IPP: variants seen among roughly 807,000 people sequenced by gnomAD.
The protein encoded by IPP is actin-binding protein IPP.
Under a neutral mutation model 64.1 loss-of-function variants are expected in IPP, and 41 were observed. That is an observed-to-expected ratio of 0.64 (90% CI 0.50 to 0.83). The LOEUF is 0.83. Ranked by LOEUF, IPP falls within the 40% of genes least tolerant of loss-of-function variation. The pLI, the probability that IPP is intolerant of heterozygous loss-of-function variation, is 0.00. For missense variants in IPP, 649 were observed against 703.0 expected (o/e 0.92, Z 0.87); for synonymous variants, 214 against 235.2 (o/e 0.91, Z 0.83).
chr1:45,725,966 T>G (rs1463111039), intron 5 of IPP, among the ~76,000 whole-genome samples: 1 of 138,556 alleles, frequency 7.2e-6, no homozygotes, highest in East Asian at 2.1e-4. Context: ...GGCCGCAGGG[T>G]CCTCTGCCTA....
chr1:45,696,590 G>A (rs1385431982), downstream of IPP, among the ~76,000 whole-genome samples: 2 of 152,180 alleles, frequency 1.3e-5, no homozygotes, highest in African/African-American at 2.4e-5. Flanking sequence ...AGTCAAGCGT[G>A]ACCAAGATGG....
chr1:45,744,971 G>C (rs1267899945), intron 2 of IPP, among the ~76,000 whole-genome samples: 2 of 152,146 alleles, frequency 1.3e-5, no homozygotes, highest in East Asian at 3.8e-4. Flanking sequence ...TGAGATGGTA[G>C]CACTACTTGA....
intron 1 of IPP, among the ~76,000 whole-genome samples, chr1:45,747,434 A>G (rs1646153872): frequency 6.6e-6 from 1 of 152,202 alleles, no homozygotes; most frequent in Non-Finnish European, 1.5e-5. Flanking sequence ...CAGTCTCAGT[A>G]TCTGAATCCA....
rs1185064054 is a variant in IPP at position 45,714,450 on chromosome 1, A to G, written c.1326T>C (p.Ile442=). The G allele has an allele frequency of 6.2e-7, 1 of 1,608,952 alleles. No individual in the cohort carries two copies. The highest frequency in any genetic ancestry group is 2.2e-5 in the East Asian group (1 of 44,848). Residue 442 remains isoleucine, a synonymous_variant, in exon 8 of 9, where the codon ATT becomes ATC. Coordinates refer to ENST00000396478, the MANE Select transcript of IPP (RefSeq NM_005897.3). ...CCEMQGLIYV[I]GGISNEGIEL... is the part of the protein sequence containing the mutation. ...CTATTCCTTCATTGCTGATGCCCCC[A>G]ATTACATAAATTAAACCTGGAAGTG...
At chr1:45,695,830 C>T (rs981363754), downstream of IPP, among the ~76,000 whole-genome samples, 8 of 152,152 alleles carry the variant, frequency 5.3e-5, no homozygotes, top group Non-Finnish European at 1.2e-4. Context: ...CCACCATGCC[C>T]AGCTAATTTT....
At chr1:45,728,580 T>A (rs1645864481) in intron 4 of IPP, among the ~76,000 whole-genome samples, 1 of 152,062 alleles carries the variant, frequency 6.6e-6, no homozygotes, top group East Asian at 1.9e-4. Flanking sequence ...CTGCAACCTC[T>A]GCCTCCTGGG....
At chr1:45,740,317 C>T (rs1415788117) in intron 3 of IPP, among the ~76,000 whole-genome samples, 4 of 152,190 alleles carry the variant, frequency 2.6e-5, no homozygotes, top group South Asian at 4.1e-4. Context: ...CATCATGGCC[C>T]GTTCTCAATG....
intron 8 of IPP, among the ~76,000 whole-genome samples, chr1:45,708,354 G>A (rs1432448743): frequency 1.1e-4 from 16 of 145,432 alleles, no homozygotes; most frequent in African/African-American, 3.0e-4. Flanking sequence ...GTGAGCCACC[G>A]CGCCCAGCCC....
rs1449624090 is a variant in IPP, at chr1:45,725,485, C to G, written c.1048+2146G>C. ...GAGGTGGGGGTGTCAGCCCCCCGCC[C>G]GGCCAGCCGCCCCATCCGGGAGGTG... On this transcript the variant is annotated intron_variant, in intron 5 of 8. Coordinates refer to ENST00000396478, the MANE Select transcript of IPP (RefSeq NM_005897.3). Among the ~76,000 whole-genome samples, 11 of 138,074 alleles carry G rather than the reference C, an allele frequency of 8.0e-5. 1 individual carries two copies. The highest frequency in any genetic ancestry group is 2.4e-4 in the African/African-American group (9 of 37,482). 90.6% of individuals were successfully genotyped at this position (138,074 alleles called of 152,430 possible). A position where few individuals can be genotyped will look rare whatever the true frequency, so the allele number is the denominator to read the frequency against.
intron 8 of IPP, 24 bp from the exon 9 acceptor site, chr1:45,700,214 T>C (rs1645434500): frequency 6.4e-7 from 1 of 1,552,308 alleles, no homozygotes. Context: ...AAAAAAAAAA[T>C]ATGTTAGCAG....
At chr1:45,713,000 A>T (rs1055110104) in intron 8 of IPP, among the ~76,000 whole-genome samples, 1 of 152,018 alleles carries the variant, frequency 6.6e-6, no homozygotes, top group South Asian at 2.1e-4. Context: ...AAAAGGCAAC[A>T]TATCAAAATA....
chr1:45,715,772 C>T (rs1465924003), intron 7 of IPP, among the ~76,000 whole-genome samples: 1 of 152,080 alleles, frequency 6.6e-6, no homozygotes, highest in Non-Finnish European at 1.5e-5. Flanking sequence ...TCATCTATAA[C>T]TTAAAGAAGT....
At chr1:45,727,856 A>C in intron 4 of IPP, 58 bp from the exon 5 acceptor site, 4 of 1,207,798 alleles carry the variant, frequency 3.3e-6, no homozygotes, top group Non-Finnish European at 4.6e-6. Flanking sequence ...CTAAACATTT[A>C]GTATAACTAC....
rs1461161427 is a variant in IPP at position 45,699,204 on chromosome 1, C to A, written c.*762G>T. 21 of 985,040 alleles carry A rather than the reference C, an allele frequency of 2.1e-5. No homozygotes were observed. Among genetic ancestry groups the A allele is most frequent in the Non-Finnish European group, 2.5e-5 (21 of 829,656 alleles). The allele number at this position is 985,040 out of a possible 1,614,324, so 61.0% of individuals were successfully genotyped here. On this transcript the variant is annotated 3_prime_UTR_variant, in exon 9 of 9. Coordinates refer to ENST00000396478, the MANE Select transcript of IPP (RefSeq NM_005897.3). ...AAAAGGTATCTATCTATTAAAATAG[C>A]TAGATATTTCCCAAACACCCCTCCT...
rs889095472 is a variant in IPP at position 45,746,181 on chromosome 1, A to C, written c.231T>G (p.Val77=). 5 of 1,614,046 alleles carry C rather than the reference A, an allele frequency of 3.1e-6. No individual in the cohort carries two copies. Among genetic ancestry groups the C allele is most frequent in the Non-Finnish European group, 4.2e-6 (5 of 1,179,986 alleles). ...TGGMKESSKD[V]VPILGIEAGI... is the part of the protein sequence containing the mutation. ...CTGCTTCAATTCCTAGAATCGGTAC[A>C]ACATCTTTTGAGGACTCTTTCATTC... is the stretch of plus-strand genomic sequence containing the variant. The change falls in exon 2 of 9, where the codon GTT becomes GTG. Residue 77 remains valine, a synonymous_variant. Coordinates refer to ENST00000396478, the MANE Select transcript of IPP (RefSeq NM_005897.3).
chr1:45,714,175 T>A, intron 8 of IPP, 71 bp downstream of exon 8: 1 of 1,078,556 alleles, frequency 9.3e-7, no homozygotes, highest in Non-Finnish European at 1.4e-6. Flanking sequence ...TGAAAAAGAG[T>A]GCATCACCAC....
intron 5 of IPP, among the ~76,000 whole-genome samples, chr1:45,727,113 G>A (rs1328696468): frequency 1.3e-5 from 2 of 152,026 alleles, no homozygotes; most frequent in East Asian, 1.9e-4. Context: ...ACAGTGGCAC[G>A]ATCATGGCTC....
intron 1 of IPP, 58 bp from the exon 2 acceptor site, chr1:45,746,519 T>G (rs781439694): frequency 8.5e-5 from 62 of 726,288 alleles, no homozygotes; most frequent in Non-Finnish European, 1.2e-4. Context: ...TGCTTTCTAT[T>G]CACACATAAG....
intron 5 of IPP, among the ~76,000 whole-genome samples, chr1:45,722,325 T>C (rs868538190): frequency 1.3e-5 from 2 of 151,404 alleles, no homozygotes; most frequent in African/African-American, 4.9e-5. Context: ...CCAAGGCGGG[T>C]AGATCACCTG....
Sources: gnomAD v4.1 joint callset for allele counts (sites outside exome capture counted in the v4.1 genomes callset) on GRCh38, gnomAD v4.1.1 for gene constraint, MANE v1.5 for transcripts, NCBI Gene and HGNC (gene_info 2026-07-23, HGNC 2026-07-21) for gene names.